The following ARPC4 variants were observed in gnomAD, a reference collection of about 807,000 sequenced individuals.
ARPC4 encodes actin related protein 2/3 complex subunit 4.
A neutral mutation model predicts 22.8 loss-of-function variants in ARPC4; 3 were observed. The observed-to-expected ratio is 0.13, with a 90% CI of 0.06 to 0.34. The LOEUF (loss-of-function observed/expected upper bound fraction) is 0.34, where lower values mean the gene tolerates loss of function less well. Ranked by LOEUF, ARPC4 falls within the 10% of genes least tolerant of loss-of-function variation. ARPC4 has a pLI of 1.00. For missense variants in ARPC4, 98 were observed against 211.0 expected (o/e 0.46, Z 3.32); for synonymous variants, 80 against 72.5 (o/e 1.10, Z -0.52).
At chr3:9,793,081 C>A (rs1327566769), upstream of ARPC4, 5 of 1,545,772 alleles carry the variant, frequency 3.2e-6, no homozygotes, top group East Asian at 9.8e-5. Flanking sequence ...CGGGGCTGGC[C>A]ACTTCCGTAC....
At chr3:9,803,386 C>T (rs2079052461) in intron 4 of ARPC4, 2 of 393,086 alleles carry the variant, frequency 5.1e-6, no homozygotes, top group Admixed American at 3.1e-5. Flanking sequence ...CAAATTTTCT[C>T]TCCTGGTCCT....
At chr3:9,800,147 C>T (rs1438576590) in intron 2 of ARPC4, 38 bp from the exon 3 acceptor site, 1 of 1,607,354 alleles carries the variant, frequency 6.2e-7, no homozygotes, top group Non-Finnish European at 8.5e-7. Context: ...TATTCTATCC[C>T]TCTGTAGTAC....
upstream of ARPC4, chr3:9,792,838 C>A: frequency 7.4e-7 from 1 of 1,358,828 alleles, no homozygotes; most frequent in Non-Finnish European, 9.4e-7. Flanking sequence ...GAGGCTGTGG[C>A]AAAGGTGACA....
At chr3:9,799,022 T>G (rs1473049212) in intron 2 of ARPC4, among the ~76,000 whole-genome samples, 3 of 152,254 alleles carry the variant, frequency 2.0e-5, no homozygotes, top group Non-Finnish European at 4.4e-5. Flanking sequence ...CCTGTTATAC[T>G]GTGTAACGTA....
chr3:9,801,777 A>G (rs774182116), intron 4 of ARPC4, 21 bp downstream of exon 4: 61 of 1,579,490 alleles, frequency 3.9e-5, no homozygotes, highest in Non-Finnish European at 5.1e-5. Flanking sequence ...GTGACCCATG[A>G]GTTTGCGATA....
Position 9,801,593 on chromosome 3 carries a change from C to T in ARPC4, c.235-68C>T, listed in dbSNP as rs1443594913. On this transcript the variant is annotated intron_variant, in intron 3 of 5. Transcript: ENST00000397261. ...CTTGAAAAAACTGGAGTCAGAAGAC[C>T]AGGCTACAAGGTGTTTTTGGCCTTG... The T allele has an allele frequency of 3.4e-6, 5 of 1,471,660 alleles. No homozygotes were observed. In the African/African-American group the frequency reaches 4.2e-5, roughly 13 times the overall value. 91.2% of individuals were successfully genotyped at this position (1,471,660 alleles called of 1,614,324 possible). A position where few individuals can be genotyped will look rare whatever the true frequency, so the allele number is the denominator to read the frequency against.
intron 4 of ARPC4, among the ~76,000 whole-genome samples, chr3:9,803,073 C>T (rs1036886986): frequency 2.6e-5 from 4 of 151,860 alleles, no homozygotes; most frequent in Non-Finnish European, 4.4e-5. Context: ...TTAGTAGAGA[C>T]GGGGTTTCAC....
Position 9,806,256 on chromosome 3 carries a change from C to T in ARPC4, c.*41C>T. On this transcript the variant is annotated 3_prime_UTR_variant, in exon 6 of 6. Coordinates refer to ENST00000397261, the MANE Select transcript of ARPC4 (RefSeq NM_005718.5). Reference sequence around the variant, plus strand: ...CTCGTGGCCTTCCCCCTCAGACTACCCATGTCTCCACGAAGGCGTCCTGGA... The same window carrying T: ...CTCGTGGCCTTCCCCCTCAGACTACTCATGTCTCCACGAAGGCGTCCTGGA... 6.2e-7 allele frequency: 1 copy of T among 1,608,794 alleles called. No individual in the cohort carries two copies. Among genetic ancestry groups the T allele is most frequent in the Non-Finnish European group, 8.5e-7 (1 of 1,175,144 alleles).
intron 1 of ARPC4, 158 bp downstream of exon 1, chr3:9,793,282 C>G (rs1575315692): frequency 7.3e-7 from 1 of 1,364,986 alleles, no homozygotes. Context: ...GGGGCGGGGG[C>G]CCGAGGTGAG....
At chr3:9,797,602 G>A (rs1295868803) in intron 1 of ARPC4, 57 bp from the exon 2 acceptor site, 9 of 1,572,442 alleles carry the variant, frequency 5.7e-6, no homozygotes, top group Admixed American at 1.7e-5. Flanking sequence ...ATAGGGGATC[G>A]GTGGGTTTGG....
At chr3:9,800,362 G>T (rs139355901) in intron 3 of ARPC4, 66 bp downstream of exon 3, 1 of 1,518,600 alleles carries the variant, frequency 6.6e-7, no homozygotes, top group Non-Finnish European at 9.1e-7. Flanking sequence ...CTTTCAGTCC[G>T]GGGTCCCCAT....
intron 5 of ARPC4, 139 bp downstream of exon 5, chr3:9,804,152 G>C (rs1291895262): frequency 3.4e-6 from 3 of 888,832 alleles, no homozygotes; most frequent in African/African-American, 1.7e-5. Flanking sequence ...GGGCACAGCA[G>C]GTCAGTCAGG....
intron 1 of ARPC4, 161 bp downstream of exon 1, chr3:9,793,285 G>C: frequency 7.4e-7 from 1 of 1,358,904 alleles, no homozygotes; most frequent in South Asian, 1.5e-5. Flanking sequence ...GCGGGGGCCC[G>C]AGGTGAGGAA....
At chr3:9,798,746 C>A (rs2078947921) in intron 2 of ARPC4, among the ~76,000 whole-genome samples, 1 of 151,748 alleles carries the variant, frequency 6.6e-6, no homozygotes, top group Non-Finnish European at 1.5e-5. Flanking sequence ...TGGTGGTATG[C>A]ACCTGTAGTC....
In ARPC4 at chr3:9,793,138, GC is replaced by G. The variant is rs1233990313; in HGVS notation, c.3+19del. The stretch of plus-strand genomic sequence containing the variant: ...GCGCCCGCGATGGTGAGAGAGCCGG[GC>G]CCCCGGCCAGGGACCCCCGGCTGTT... On this transcript the variant is annotated intron_variant, in intron 1 of 5. Transcript: ENST00000397261. 1.9e-6 allele frequency: 3 copies of G among 1,542,138 alleles called. No individual in the cohort carries two copies. Among genetic ancestry groups the G allele is most frequent in the South Asian group, 1.2e-5 (1 of 83,778 alleles).
chr3:9,793,333 T>C (rs1275458249), intron 1 of ARPC4, among the ~76,000 whole-genome samples: 2 of 152,204 alleles, frequency 1.3e-5, no homozygotes, highest in Non-Finnish European at 2.9e-5. Flanking sequence ...GAAGTGGGCC[T>C]TGTGGCTTCA....
chr3:9,792,788 G>T (rs750853249), upstream of ARPC4: 50 of 1,262,442 alleles, frequency 4.0e-5, no homozygotes, highest in Middle Eastern at 3.0e-4. Flanking sequence ...CTAATTTGGT[G>T]CCCAATCTGA....
intron 3 of ARPC4, 80 bp from the exon 4 acceptor site, chr3:9,801,581 G>T: frequency 7.1e-7 from 1 of 1,401,004 alleles, no homozygotes; most frequent in South Asian, 1.3e-5. Flanking sequence ...GAAAAAACTG[G>T]AGTCAGAAGA....
intron 1 of ARPC4, among the ~76,000 whole-genome samples, chr3:9,796,939 T>C (rs1230467904): frequency 5.4e-5 from 1 of 18,390 alleles, no homozygotes; most frequent in African/African-American, 1.9e-4. Flanking sequence ...AGACTCTGTC[T>C]CAAAAAAAAA....
Sources: allele counts gnomAD v4.1 joint callset (sites outside exome capture counted in the v4.1 genomes callset), GRCh38; gene constraint gnomAD v4.1.1; transcripts MANE v1.5; gene names NCBI Gene and HGNC (gene_info 2026-07-23, HGNC 2026-07-21).